CCZ1B: variants seen among roughly 807,000 people sequenced by gnomAD.
The protein encoded by CCZ1B is vacuolar fusion protein CCZ1 homolog B.
A neutral mutation model predicts 58.8 loss-of-function variants in CCZ1B; 25 were observed. The ratio of observed to expected loss-of-function variants is 0.43; its 90% confidence interval spans 0.31 to 0.59. CCZ1B has a LOEUF of 0.59. Among genes scored for constraint, CCZ1B ranks in the 20% least tolerant of loss-of-function variants. CCZ1B has a pLI of 0.12. For missense variants in CCZ1B, 180 were observed against 501.5 expected (o/e 0.36, Z 6.12); for synonymous variants, 66 against 173.2 (o/e 0.38, Z 4.86).
intron 6 of CCZ1B, among the ~76,000 whole-genome samples, 199 bp from the exon 7 acceptor site, chr7:6,820,140 A>C (rs1650910014): frequency 9.1e-6 from 1 of 110,384 alleles, no homozygotes; most frequent in African/African-American, 3.3e-5. Context: ...CAAAGTTCAA[A>C]CTATCTACTT....
intron 14 of CCZ1B, among the ~76,000 whole-genome samples, 189 bp downstream of exon 14, chr7:6,800,759 T>A (rs1440613303): frequency 7.6e-6 from 1 of 132,132 alleles, no homozygotes; most frequent in Admixed American, 7.8e-5. Flanking sequence ...TTGCCAAGTT[T>A]CCTGTGCTAC....
chr7:6,811,844 T>A lies in CCZ1B; in HGVS notation c.954+108A>T. On this transcript the variant is annotated intron_variant, in intron 10 of 14. Transcript: ENST00000316731. Reference sequence around the variant, plus strand: ...GTTTTACCATAATCAGAACTTCCAATATCTTTTCCAAGAAACATTTAAGAG... The same window carrying A: ...GTTTTACCATAATCAGAACTTCCAAAATCTTTTCCAAGAAACATTTAAGAG... 2.6e-6 allele frequency: 2 copies of A among 774,770 alleles called. 1 individual carries two copies. The allele number at this position is 774,770 out of a possible 1,614,324, so 48.0% of individuals were successfully genotyped here.
At chr7:6,808,624 G>A (rs1447944356) in intron 10 of CCZ1B, among the ~76,000 whole-genome samples, 3 of 149,122 alleles carry the variant, frequency 2.0e-5, no homozygotes, top group Non-Finnish European at 3.0e-5. Flanking sequence ...TTATGTGAGG[G>A]ACAGTATAAT....
chr7:6,814,117 G>A lies in CCZ1B; in HGVS notation c.780+647C>T, dbSNP rs1239229030. On this transcript the variant is annotated intron_variant, in intron 8 of 14. Transcript: ENST00000316731. ...GCTGAGATTAAACCACTGCACTCCA[G>A]CCTGGGCGAAAAGAACGAAACTCTG... is the stretch of plus-strand genomic sequence containing the variant. 3.4e-5 allele frequency among the ~76,000 whole-genome samples: 5 copies of A among 148,854 alleles called. 1 individual carries two copies. Among genetic ancestry groups the A allele is most frequent in the Admixed American group, 6.7e-5 (1 of 14,924 alleles).
chr7:6,814,780 C>A lies in CCZ1B; in HGVS notation c.764G>T (p.Arg255Met), dbSNP rs745336708. The A allele has an allele frequency of 2.5e-6, 4 of 1,607,490 alleles. No homozygotes were observed. In the African/African-American group the frequency reaches 5.6e-5, roughly 22 times the overall value. ...YKYLTTSLFP[R>M]HIEPELAGRD... ...CCATCATACCTCAGGTTCGATGTGC[C>A]TTGGGAAAAGGGAGGTGGTAAGGTA... Residue 255 changes from arginine (R) to methionine (M), a missense_variant, in exon 8 of 15, where the codon AGG (arginine) becomes ATG (methionine). Arg to Met is a moderately conservative substitution (Grantham distance 91). Coordinates refer to ENST00000316731, the MANE Select transcript of CCZ1B (RefSeq NM_198097.5).
At position 6,819,912 on chromosome 7, in the gene CCZ1B, A is replaced by T; in HGVS notation, c.552T>A (p.Cys184Ter). The change falls in exon 7 of 15, where the codon TGT becomes TGA. Residue 184 changes from cysteine (C) to a stop codon, truncating the protein, a stop_gained. Transcript: ENST00000316731. LOFTEE classifies it high-confidence loss of function. ...RYLQTLHLQS[C>*]DLLDIFGGIS... ...TTCCACCAAAAATGTCAAGTAGGTCACATGACTGCAAATGTAGCGTTTGCA... is the reference window on the plus strand; with the variant it reads ...TTCCACCAAAAATGTCAAGTAGGTCTCATGACTGCAAATGTAGCGTTTGCA... The T allele has an allele frequency of 1.2e-6, 2 of 1,605,832 alleles. No homozygotes were observed. Among genetic ancestry groups the T allele is most frequent in the Non-Finnish European group, 8.5e-7 (1 of 1,177,004 alleles).
At chr7:6,823,493 G>A (rs1783145355) in intron 4 of CCZ1B, 133 bp from the exon 5 acceptor site, 2 of 1,234,084 alleles carry the variant, frequency 1.6e-6, no homozygotes. Context: ...ATAGTTGCGT[G>A]CTGAAAAAAA....
intron 7 of CCZ1B, among the ~76,000 whole-genome samples, chr7:6,817,815 C>T (rs1783030872): frequency 6.7e-6 from 1 of 149,346 alleles, no homozygotes; most frequent in Non-Finnish European, 1.5e-5. Flanking sequence ...GAGTTCGAGA[C>T]CAGCCTGGCC....
In CCZ1B at chr7:6,813,433, C is replaced by T. The variant is rs1010974495; in HGVS notation, c.781-396G>A. ...AGATCCCATCTCTACAAAAAATTAA[C>T]CAGGTGTGGTGGCACACACCTGTAG... On this transcript the variant is annotated intron_variant, in intron 8 of 14. Transcript: ENST00000316731. Among the ~76,000 whole-genome samples the T allele has an allele frequency of 2.0e-5, 3 of 149,216 alleles. 1 individual carries two copies. The highest frequency in any genetic ancestry group is 7.6e-5 in the African/African-American group (3 of 39,456).
chr7:6,823,988 C>T (rs976024524), intron 4 of CCZ1B, 101 bp downstream of exon 4: 1 of 678,210 alleles, frequency 1.5e-6, no homozygotes, highest in African/African-American at 1.9e-5. Flanking sequence ...CGAGAAACTT[C>T]TGCAAAAGCC....
chr7:6,812,903 G>A, intron 9 of CCZ1B, 73 bp downstream of exon 9: 1 of 1,542,014 alleles, frequency 6.5e-7, no homozygotes, highest in Non-Finnish European at 8.8e-7. Flanking sequence ...CTCCAGCCTG[G>A]GTAACAGAGC....
At chr7:6,818,415 G>A (rs1175877609) in intron 7 of CCZ1B, among the ~76,000 whole-genome samples, 2 of 149,224 alleles carry the variant, frequency 1.3e-5, no homozygotes, top group South Asian at 2.1e-4. Context: ...CGGGCATGGT[G>A]GCATATGCCT....
Position 6,824,626 on chromosome 7 carries a change from C to A in CCZ1B, c.218+14G>T. 1 of 1,612,458 alleles carries A rather than the reference C, an allele frequency of 6.2e-7. No homozygotes were observed. The highest frequency in any genetic ancestry group is 8.5e-7 in the Non-Finnish European group (1 of 1,179,700). On this transcript the variant is annotated intron_variant, in intron 2 of 14. Coordinates refer to ENST00000316731, the MANE Select transcript of CCZ1B (RefSeq NM_198097.5). ...GAATTCACTGAACGCTAAAGGCACA[C>A]TTAGAGGTATTACCTTGTAAACTGT...
chr7:6,803,946 TAAA>T (rs1192034108), intron 12 of CCZ1B, among the ~76,000 whole-genome samples: 6 of 97,296 alleles, frequency 6.2e-5, no homozygotes, highest in African/African-American at 2.0e-4. Context: ...GACTCTGTCT[TAAA>T]AAAAAAAAAA....
chr7:6,814,835 C>G lies in CCZ1B; in HGVS notation c.709G>C (p.Glu237Gln), dbSNP rs1489314115. The change falls in exon 8 of 15, where the codon GAA becomes CAA. Residue 237 changes from glutamate to glutamine, a missense_variant. Physicochemically the swap from Glu to Gln is conservative, Grantham distance 29 (BLOSUM62 2). Transcript: ENST00000316731. The stretch of plus-strand genomic sequence containing the variant: ...TATAAAATTCTCATGTCATCTTGTT[C>G]TAATCCACTCCTGCAACAACAGAAA... ...YNDQLIWSGL[E>Q]QDDMRILYKY... 1.2e-6 allele frequency: 2 copies of G among 1,604,328 alleles called. 1 individual carries two copies. The highest frequency in any genetic ancestry group is 2.8e-5 in the African/African-American group (2 of 71,138).
intron 6 of CCZ1B, among the ~76,000 whole-genome samples, chr7:6,820,413 G>A (rs1395067478): frequency 3.4e-5 from 5 of 148,804 alleles, no homozygotes; most frequent in Admixed American, 6.7e-5. Context: ...CTCCTGACTC[G>A]TGATCTGCCT....
chr7:6,817,718 T>G (rs1489928671), intron 7 of CCZ1B, among the ~76,000 whole-genome samples: 3 of 149,676 alleles, frequency 2.0e-5, no homozygotes, highest in Admixed American at 6.6e-5. Context: ...TTTGTCAAAT[T>G]AGAAAGTAGG....
chr7:6,810,449 G>GTTGA (rs1360258029), intron 10 of CCZ1B, among the ~76,000 whole-genome samples: 2 of 148,736 alleles, frequency 1.3e-5, no homozygotes, highest in Admixed American at 1.3e-4. Context: ...ATATGAAACT[G>GTTGA]TTGATACCAG....
intron 9 of CCZ1B, among the ~76,000 whole-genome samples, chr7:6,812,759 C>A (rs1434433350): frequency 1.5e-4 from 23 of 150,644 alleles, no homozygotes; most frequent in African/African-American, 5.7e-4. Context: ...CCTGTTTCTA[C>A]TAAAAATACA....
Sources: gnomAD v4.1 joint callset for allele counts (sites outside exome capture counted in the v4.1 genomes callset) on GRCh38, gnomAD v4.1.1 for gene constraint, MANE v1.5 for transcripts, NCBI Gene and HGNC (gene_info 2026-07-23, HGNC 2026-07-21) for gene names.